The following MANSC4 variants were observed in gnomAD, a reference collection of about 807,000 sequenced individuals.
The protein encoded by MANSC4 is MANSC domain-containing protein 4.
MANSC4 carries 11 observed loss-of-function variants against 11.4 expected under a neutral mutation model. The ratio of observed to expected loss-of-function variants is 0.97; its 90% CI spans 0.61 to 1.60. The LOEUF is 1.60. Among genes scored for constraint, MANSC4 ranks in the 40% most tolerant of loss-of-function variants. MANSC4 has a pLI of 0.00. For missense variants in MANSC4, 354 were observed against 404.6 expected, an observed-to-expected ratio of 0.88 and a Z score of 1.07; for synonymous variants, 123 against 147.1, an observed-to-expected ratio of 0.84 and a Z score of 1.19.
chr12:27,769,758 G>T (rs1181601370), intron 2 of MANSC4, among the ~76,000 whole-genome samples: 1 of 152,200 alleles, frequency 6.6e-6, no homozygotes, highest in Admixed American at 6.5e-5. Context: ...TGGGCAAGAG[G>T]CATTGGAAAT....
At chr12:27,767,265 C>T (rs2062076188) in intron 2 of MANSC4, among the ~76,000 whole-genome samples, 1 of 152,182 alleles carries the variant, frequency 6.6e-6, no homozygotes, top group South Asian at 2.1e-4. Flanking sequence ...GCCACCACAC[C>T]CAGCCAGAAA....
chr12:27,763,971 G>A (rs1335665501), intron 3 of MANSC4, among the ~76,000 whole-genome samples: 1 of 152,052 alleles, frequency 6.6e-6, no homozygotes, highest in Non-Finnish European at 1.5e-5. Flanking sequence ...GAGCTCAAGC[G>A]ATCCGCCCGC....
chr12:27,775,452 A>G (rs764141073), intron 1 of MANSC4, among the ~76,000 whole-genome samples: 3 of 152,178 alleles, frequency 2.0e-5, no homozygotes, highest in Non-Finnish European at 2.9e-5. Flanking sequence ...GGTGGGGCCC[A>G]TGAGGTTGAG....
At position 27,778,533 on chromosome 12, in the gene MANSC4, T is replaced by C. The variant is rs535912510; in HGVS notation, c.-307+1677A>G. ...GAAGAAGATATTATTTAACAATCTG[T>C]CATTCAAGAAGAAAGCTGAAGCTTG... On this transcript the variant is annotated intron_variant, in intron 1 of 3. Transcript: ENST00000381273. 7.2e-5 allele frequency among the ~76,000 whole-genome samples: 11 copies of C among 151,990 alleles called. No individual in the cohort carries two copies. The East Asian group carries it at 2.1e-3, about 29-fold the overall frequency.
intron 3 of MANSC4, among the ~76,000 whole-genome samples, chr12:27,765,707 G>A (rs2062069529): frequency 6.6e-6 from 1 of 152,194 alleles, no homozygotes; most frequent in Non-Finnish European, 1.5e-5. Flanking sequence ...AGGAAATTGA[G>A]AGCAGAGATA....
chr12:27,766,643 T>C, intron 3 of MANSC4, 22 bp downstream of exon 3: 1 of 1,548,270 alleles, frequency 6.5e-7, no homozygotes, highest in Non-Finnish European at 8.7e-7. Context: ...TCTTTTAAAG[T>C]CTTGAAATAT....
At chr12:27,770,430 C>A (rs1353916053) in intron 2 of MANSC4, among the ~76,000 whole-genome samples, 1 of 146,472 alleles carries the variant, frequency 6.8e-6, no homozygotes, top group Admixed American at 6.7e-5. Flanking sequence ...ATCCACCCAC[C>A]TCGGCCTCCC....
At chr12:27,776,904 T>C (rs2062121552) in intron 1 of MANSC4, among the ~76,000 whole-genome samples, 1 of 152,238 alleles carries the variant, frequency 6.6e-6, no homozygotes, top group African/African-American at 2.4e-5. Flanking sequence ...TCCAGTTATA[T>C]AAAGCAATAT....
chr12:27,776,088 C>CAAAAAAAAAAA (rs35924016), intron 1 of MANSC4, among the ~76,000 whole-genome samples: 1 of 63,078 alleles, frequency 1.6e-5, no homozygotes. Context: ...GAGACTGTCT[C>CAAAAAAAAAAA]AAAAAAAAAA....
intron 1 of MANSC4, among the ~76,000 whole-genome samples, chr12:27,775,546 C>G (rs2062116427): frequency 1.3e-5 from 2 of 152,014 alleles, no homozygotes; most frequent in African/African-American, 4.8e-5. Context: ...CTAAACAAAC[C>G]AATGGTCTAT....
At chr12:27,766,202 G>T (rs573395237) in intron 3 of MANSC4, among the ~76,000 whole-genome samples, 1 of 152,068 alleles carries the variant, frequency 6.6e-6, no homozygotes, top group Non-Finnish European at 1.5e-5. Flanking sequence ...TGAGTAGCTG[G>T]GACTACAGGT....
chr12:27,766,869 A>G, intron 2 of MANSC4, 70 bp from the exon 3 acceptor site: 1 of 1,485,350 alleles, frequency 6.7e-7, no homozygotes, highest in Admixed American at 2.2e-5. Context: ...AACTCTGAGT[A>G]ACTTAGATTT....
Position 27,771,175 on chromosome 12 carries a change from C to A in MANSC4, c.102G>T (p.Trp34Cys). ...TTAGAAGACCTGGGAAGCGACGGAT[C>A]CAGCAGTCTCTGTAAAAAATTGTGG... ...CSPTIFYRDC[W>C]IRRFPGLLIN... The change falls in exon 2 of 4, where the codon TGG becomes TGT. Residue 34 changes from tryptophan (W) to cysteine (C), a missense_variant. Trp to Cys is a radical substitution (Grantham distance 215, BLOSUM62 -2). Transcript: ENST00000381273. 1.3e-6 allele frequency: 2 copies of A among 1,552,100 alleles called. No homozygotes were observed.
intron 1 of MANSC4, among the ~76,000 whole-genome samples, chr12:27,779,159 G>A (rs189793263): frequency 3.9e-5 from 6 of 152,298 alleles, no homozygotes; most frequent in Admixed American, 1.3e-4. Context: ...GAGCCACCGC[G>A]CTCAGCCAAA....
At chr12:27,779,829 G>C (rs889288869) in intron 1 of MANSC4, 5 of 151,874 alleles carry the variant, frequency 3.3e-5, no homozygotes, top group African/African-American at 1.2e-4. Flanking sequence ...CGGCGGAGCC[G>C]GCGCGCCCCG....
intron 3 of MANSC4, among the ~76,000 whole-genome samples, chr12:27,766,036 T>C (rs1279829047): frequency 6.6e-6 from 1 of 151,928 alleles, no homozygotes; most frequent in African/African-American, 2.4e-5. Context: ...TTTAGCATTT[T>C]CTTTATCTCC....
At chr12:27,777,910 C>A (rs2062125129) in intron 1 of MANSC4, among the ~76,000 whole-genome samples, 1 of 151,772 alleles carries the variant, frequency 6.6e-6, no homozygotes. Context: ...TAGCAAGACC[C>A]TATCTCTATG....
In MANSC4 at chr12:27,774,569, C is replaced by T. The variant is rs7138271; in HGVS notation, c.-306-2987G>A. On this transcript the variant is annotated intron_variant, in intron 1 of 3. Transcript: ENST00000381273. ...ATTGTTATTTAAAAAAACATATGAA[C>T]GTCAAAATACAAAATTACAACAAAT... 4.6e-5 allele frequency among the ~76,000 whole-genome samples: 7 copies of T among 152,158 alleles called. No homozygotes were observed. The South Asian group carries it at 6.2e-4, about 14-fold the overall frequency.
In MANSC4 at chr12:27,774,878, G is replaced by A. The variant is rs564157004; in HGVS notation, c.-306-3296C>T. The stretch of plus-strand genomic sequence containing the variant: ...GTCTACTAAAAATACAAAAAAATTA[G>A]CTGGGTGTGGTGGCAGGTGCCTGTA... On this transcript the variant is annotated intron_variant, in intron 1 of 3. Transcript: ENST00000381273. 6.6e-5 allele frequency among the ~76,000 whole-genome samples: 10 copies of A among 152,182 alleles called. No homozygotes were observed. The South Asian group carries it at 1.9e-3, about 28-fold the overall frequency.
Sources: gnomAD v4.1 joint callset for allele counts (sites outside exome capture counted in the v4.1 genomes callset) on GRCh38, gnomAD v4.1.1 for gene constraint, MANE v1.5 for transcripts, NCBI Gene and HGNC (gene_info 2026-07-23, HGNC 2026-07-21) for gene names.